HMCN1: variants seen among roughly 807,000 people sequenced by gnomAD.
The protein encoded by HMCN1 is hemicentin 1.
HMCN1 carries 321 observed loss-of-function variants against 625.9 expected under a neutral mutation model. That is an observed-to-expected ratio of 0.51 (90% CI 0.47 to 0.56). The LOEUF (loss-of-function observed/expected upper bound fraction) is 0.56, where lower values mean the gene tolerates loss of function less well. Ranked by LOEUF, HMCN1 falls within the 20% of genes least tolerant of loss-of-function variation. HMCN1 has a pLI of 0.00. For synonymous variants in HMCN1, 2,425 were observed against 2,417.6 expected, an observed-to-expected ratio of 1.00 and a Z score of -0.09; for missense variants, 6,588 against 6,887.3, an observed-to-expected ratio of 0.96 and a Z score of 1.54.
At chr1:186,022,045 A>G (rs1435703631) in intron 35 of HMCN1, among the ~76,000 whole-genome samples, 4 of 152,090 alleles carry the variant, frequency 2.6e-5, no homozygotes, top group African/African-American at 4.8e-5. Context: ...ACATGCAATC[A>G]GAAGTAGACT....
At chr1:186,154,086 T>A in intron 97 of HMCN1, 99 bp downstream of exon 97, 1 of 956,292 alleles carries the variant, frequency 1.0e-6, no homozygotes. Context: ...TAACATGATA[T>A]CAGGTTTTTC....
chr1:185,986,455 A>G (rs1244091636), intron 19 of HMCN1, among the ~76,000 whole-genome samples: 1 of 152,134 alleles, frequency 6.6e-6, no homozygotes, highest in African/African-American at 2.4e-5. Context: ...TCTTCTCACT[A>G]TGTTAGGAAC....
chr1:186,182,135 G>A, intron 104 of HMCN1, 33 bp from the exon 105 acceptor site: 1 of 1,611,618 alleles, frequency 6.2e-7, no homozygotes, highest in Non-Finnish European at 8.5e-7. Flanking sequence ...TTTTTCTTGT[G>A]TAGTGATAAC....
chr1:185,876,581 T>C (rs1042947859), intron 4 of HMCN1, among the ~76,000 whole-genome samples: 1 of 152,112 alleles, frequency 6.6e-6, no homozygotes, highest in African/African-American at 2.4e-5. Context: ...CTGCTCTTTT[T>C]TGACTTTTTA....
At position 186,136,832 on chromosome 1, in the gene HMCN1, T is replaced by A; in HGVS notation, c.13477T>A (p.Ser4493Thr). ...DDRVNVLSNN[S>T]LYIADAQKED... The stretch of plus-strand genomic sequence containing the variant: ...CCGGGTTAACGTGTTGTCCAACAAC[T>A]CATTATATATTGCTGATGCTCAGAA... Residue 4493 changes from serine to threonine, a missense_variant, in exon 87 of 107, where the codon TCA becomes ACA. By Grantham distance (58) the Ser-to-Thr change is moderately conservative. Around this residue, in one of 3 missense-constraint regions of HMCN1, gnomAD observed 1,954 missense variants for 2,013.1 expected, o/e 0.97. Transcript: ENST00000271588. 6.2e-7 allele frequency: 1 copy of A among 1,614,076 alleles called. No homozygotes were observed. The highest frequency in any genetic ancestry group is 2.2e-5 in the East Asian group (1 of 44,874).
At chr1:185,975,791 T>A (rs1391149500) in intron 15 of HMCN1, among the ~76,000 whole-genome samples, 1 of 152,096 alleles carries the variant, frequency 6.6e-6, no homozygotes, top group Non-Finnish European at 1.5e-5. Flanking sequence ...CTAATTTAAT[T>A]TTGTTTAGGT....
intron 4 of HMCN1, among the ~76,000 whole-genome samples, chr1:185,899,737 A>G (rs1665697109): frequency 6.6e-6 from 1 of 152,122 alleles, no homozygotes; most frequent in Non-Finnish European, 1.5e-5. Flanking sequence ...ATGTTATCCT[A>G]GTTTCTAATG....
intron 1 of HMCN1, among the ~76,000 whole-genome samples, chr1:185,822,348 G>T (rs1263425756): frequency 6.6e-6 from 1 of 152,018 alleles, no homozygotes; most frequent in African/African-American, 2.4e-5. Context: ...TCCCAGTTTT[G>T]TTCTGAACCT....
At chr1:185,738,416 G>C (rs1411524241) in intron 1 of HMCN1, among the ~76,000 whole-genome samples, 2 of 152,126 alleles carry the variant, frequency 1.3e-5, no homozygotes, top group East Asian at 3.8e-4. Flanking sequence ...ATTCTATAAG[G>C]TCTTTCATGA....
chr1:185,884,367 A>C (rs537528435), intron 4 of HMCN1, among the ~76,000 whole-genome samples: 1 of 151,972 alleles, frequency 6.6e-6, no homozygotes, highest in South Asian at 2.1e-4. Context: ...CCTTATGCAG[A>C]TATCTGGACG....
intron 22 of HMCN1, among the ~76,000 whole-genome samples, chr1:185,992,134 T>C (rs1322196942): frequency 1.3e-5 from 2 of 152,208 alleles, no homozygotes; most frequent in African/African-American, 4.8e-5. Flanking sequence ...TCTTATTGAA[T>C]GTAGAAATTT....
chr1:185,855,953 T>C (rs922791071), intron 2 of HMCN1, among the ~76,000 whole-genome samples: 7 of 152,328 alleles, frequency 4.6e-5, no homozygotes, highest in Middle Eastern at 3.4e-3. Flanking sequence ...ATTTGAGGTT[T>C]GGGCTCTGCA....
Position 185,811,729 on chromosome 1 carries a change from TA to T in HMCN1, c.269-34286del, listed in dbSNP as rs59762206. On this transcript the variant is annotated intron_variant, in intron 1 of 106. Coordinates refer to ENST00000271588, the MANE Select transcript of HMCN1 (RefSeq NM_031935.3). The stretch of plus-strand genomic sequence containing the variant: ...AGTCTTATTTCTCTTTCCCTTGCTC[TA>T]AAAAAAAAAATACACATATGTATAT... Among the ~76,000 whole-genome samples the T allele has an allele frequency of 7.7e-3, 1,155 of 149,128 alleles. 14 individuals carry two copies. The highest frequency in any genetic ancestry group is 0.023 in the African/African-American group (954 of 41,030).
chr1:186,128,334 T>TCA, intron 83 of HMCN1, 43 bp downstream of exon 83: 1 of 1,456,886 alleles, frequency 6.9e-7, no homozygotes, highest in South Asian at 1.1e-5. Flanking sequence ...TACACCTATG[T>TCA]AGAACTCTAG....
chr1:186,049,447 G>A (rs2102265944), intron 42 of HMCN1, among the ~76,000 whole-genome samples: 1 of 151,388 alleles, frequency 6.6e-6, no homozygotes, highest in African/African-American at 2.4e-5. Context: ...TCACTCGTGT[G>A]GTGGGAGATG....
chr1:185,883,132 A>G (rs1254792189), intron 4 of HMCN1, among the ~76,000 whole-genome samples: 1 of 152,068 alleles, frequency 6.6e-6, no homozygotes, highest in Non-Finnish European at 1.5e-5. Flanking sequence ...ATACATATAT[A>G]TGTGTTTGTG....
intron 45 of HMCN1, among the ~76,000 whole-genome samples, chr1:186,056,825 A>T (rs1657358027): frequency 6.6e-6 from 1 of 151,882 alleles, no homozygotes; most frequent in African/African-American, 2.4e-5. Flanking sequence ...AGGATCAATC[A>T]TACCCCAAGC....
chr1:185,971,750 CT>C (rs1248635007), intron 15 of HMCN1, among the ~76,000 whole-genome samples: 2 of 152,052 alleles, frequency 1.3e-5, no homozygotes, highest in African/African-American at 4.8e-5. Flanking sequence ...TTTCTGGGAT[CT>C]TTTATGATCC....
chr1:185,926,877 A>G (rs1276535804), intron 9 of HMCN1, among the ~76,000 whole-genome samples: 3 of 152,192 alleles, frequency 2.0e-5, no homozygotes, highest in African/African-American at 7.2e-5. Context: ...TCTTTTCCGT[A>G]TTCCAAAGTC....
Sources: allele counts gnomAD v4.1 joint callset (sites outside exome capture counted in the v4.1 genomes callset), GRCh38; gene constraint gnomAD v4.1.1; regional missense constraint gnomAD v4.1.1; transcripts MANE v1.5; gene names NCBI Gene and HGNC (gene_info 2026-07-23, HGNC 2026-07-21).